KCNQ1: variants seen among roughly 807,000 people sequenced by gnomAD.
The protein encoded by KCNQ1 is potassium voltage-gated channel subfamily KQT member 1.
A neutral mutation model predicts 72.4 loss-of-function variants in KCNQ1; 49 were observed. The ratio of observed to expected loss-of-function variants is 0.68; its 90% confidence interval spans 0.54 to 0.86. The LOEUF (loss-of-function observed/expected upper bound fraction) is 0.86, where lower values mean the gene tolerates loss of function less well. KCNQ1 is among the 40% of genes least tolerant of loss of function. KCNQ1 has a pLI of 0.00. For synonymous variants in KCNQ1, 450 were observed against 412.6 expected (o/e 1.09, Z -1.10); for missense variants, 790 against 945.1 (o/e 0.84, Z 2.15).
chr11:2,570,552 T>A, intron 2 of KCNQ1, 76 bp from the exon 3 acceptor site: 1 of 1,592,722 alleles, frequency 6.3e-7, no homozygotes, highest in Non-Finnish European at 8.5e-7. Flanking sequence ...CATGGCTGGG[T>A]TCAAACAGGT....
rs1360557053 is a variant in KCNQ1, at chr11:2,611,913, G to C, written c.1393+23059G>C. Reference sequence around the variant, plus strand: ...CTGGAGGTTACAATAAGCAGCTTAAGCAAAAACAATCTGCTTCAGGTTAAT... The same window carrying C: ...CTGGAGGTTACAATAAGCAGCTTAACCAAAAACAATCTGCTTCAGGTTAAT... On this transcript the variant is annotated intron_variant, in intron 10 of 15. Coordinates refer to ENST00000155840, the MANE Select transcript of KCNQ1 (RefSeq NM_000218.3). This position sits in a 1 kb window ranked among gnomAD's most constrained non-coding sequence, Gnocchi z 5.3. The C allele has an allele frequency of 7.5e-6, 3 of 398,324 alleles. No homozygotes were observed. The highest frequency in any genetic ancestry group is 1.3e-5 in the Non-Finnish European group (3 of 226,034). The allele number at this position is 398,324 out of a possible 1,614,324, so 24.7% of individuals were successfully genotyped here.
intron 1 of KCNQ1, among the ~76,000 whole-genome samples, chr11:2,449,336 G>C (rs546488747): frequency 6.6e-6 from 1 of 152,218 alleles, no homozygotes; most frequent in Admixed American, 6.5e-5. Context: ...TGGCAGTTGC[G>C]AGGTACTGGA....
chr11:2,648,122 T>C (rs1361655047), intron 10 of KCNQ1: 6 of 390,884 alleles, frequency 1.5e-5, no homozygotes, highest in Admixed American at 1.4e-4. Context: ...GGAGGATTGC[T>C]TGAGCCCAGG....
intron 15 of KCNQ1, among the ~76,000 whole-genome samples, chr11:2,790,184 C>T (rs532683186): frequency 3.9e-5 from 6 of 152,262 alleles, no homozygotes; most frequent in Admixed American, 3.3e-4. Flanking sequence ...GTGATGGGAC[C>T]GTGGAGAGTG....
chr11:2,611,479 T>C lies in KCNQ1; in HGVS notation c.1393+22625T>C. 1 of 398,194 alleles carries C rather than the reference T, an allele frequency of 2.5e-6. No individual in the cohort carries two copies. Among genetic ancestry groups the C allele is most frequent in the Non-Finnish European group, 4.4e-6 (1 of 226,092 alleles). 24.7% of individuals were successfully genotyped at this position (398,194 alleles called of 1,614,324 possible). A position where few individuals can be genotyped will look rare whatever the true frequency, so the allele number is the denominator to read the frequency against. ...TGTCTGCCTCAGCCTCCCAAAATGC[T>C]GGGATTACAGGTGTGAGCCACTGCA... On this transcript the variant is annotated intron_variant, in intron 10 of 15. Coordinates refer to ENST00000155840, the MANE Select transcript of KCNQ1 (RefSeq NM_000218.3). This position sits in a 1 kb window ranked among gnomAD's most constrained non-coding sequence, Gnocchi z 5.3.
intron 2 of KCNQ1, among the ~76,000 whole-genome samples, chr11:2,539,385 T>G (rs1284774552): frequency 2.6e-5 from 4 of 152,184 alleles, no homozygotes; most frequent in African/African-American, 9.7e-5. Context: ...GCGCAATCTT[T>G]CCAGAGCATT....
chr11:2,801,897 C>T (rs1459652042), intron 15 of KCNQ1, among the ~76,000 whole-genome samples: 1 of 152,272 alleles, frequency 6.6e-6, no homozygotes, highest in Non-Finnish European at 1.5e-5. Flanking sequence ...ACTGCCTCCT[C>T]CCTTGCTCTT....
rs115380038 is a variant in KCNQ1 at position 2,600,439 on chromosome 11, A to G, written c.1393+11585A>G. Reference sequence around the variant, plus strand: ...TTTACTAATTGTTACATTTTGCCACATTTGCTTTATCATTTGAACCCCTTT... The same window carrying G: ...TTTACTAATTGTTACATTTTGCCACGTTTGCTTTATCATTTGAACCCCTTT... On this transcript the variant is annotated intron_variant, in intron 10 of 15. Coordinates refer to ENST00000155840, the MANE Select transcript of KCNQ1 (RefSeq NM_000218.3). This position sits in a 1 kb window ranked among gnomAD's most constrained non-coding sequence, Gnocchi z 5.6. Among the ~76,000 whole-genome samples, 833 of 152,256 alleles carry G rather than the reference A, an allele frequency of 5.5e-3. 11 individuals carry two copies. The highest frequency in any genetic ancestry group is 0.019 in the African/African-American group (808 of 41,556).
chr11:2,547,737 A>G lies in KCNQ1; in HGVS notation c.477+19719A>G, dbSNP rs1847919078. Among the ~76,000 whole-genome samples, 1 of 152,200 alleles carries G rather than the reference A, an allele frequency of 6.6e-6. No individual in the cohort carries two copies. Among genetic ancestry groups the G allele is most frequent in the African/African-American group, 2.4e-5 (1 of 41,454 alleles). On this transcript the variant is annotated intron_variant, in intron 2 of 15. Transcript: ENST00000155840. The surrounding 1 kb of genome is among the most constrained non-coding windows in gnomAD (Gnocchi z 4.2). Reference sequence around the variant, plus strand: ...AGACCCCCACAACCTTGGGTGGACTACTGACTACTTCGCGGGTAAGAAATG... The same window carrying G: ...AGACCCCCACAACCTTGGGTGGACTGCTGACTACTTCGCGGGTAAGAAATG...
chr11:2,620,168 A>C lies in KCNQ1; in HGVS notation c.1393+31314A>C, dbSNP rs1849142063. 2 of 394,960 alleles carry C rather than the reference A, an allele frequency of 5.1e-6. No homozygotes were observed. Among genetic ancestry groups the C allele is most frequent in the African/African-American group, 4.1e-5 (2 of 48,270 alleles). The allele number at this position is 394,960 out of a possible 1,614,324, so 24.5% of individuals were successfully genotyped here. On this transcript the variant is annotated intron_variant, in intron 10 of 15. Transcript: ENST00000155840. This position sits in a 1 kb window ranked among gnomAD's most constrained non-coding sequence, Gnocchi z 4.5. ...AAGATAGTGGCCTCTAGCTGCATCC[A>C]TGTTGCTGCAAAGGACGTAAGTTCA... is the stretch of plus-strand genomic sequence containing the variant.
chr11:2,554,145 T>G (rs1380349159), intron 2 of KCNQ1, among the ~76,000 whole-genome samples: 1 of 152,266 alleles, frequency 6.6e-6, no homozygotes, highest in Non-Finnish European at 1.5e-5. Flanking sequence ...TGGCATCAGA[T>G]GCCGCTGGCA....
In KCNQ1 at chr11:2,471,742, A is replaced by G. The variant is rs1460014964; in HGVS notation, c.386+26258A>G. Among the ~76,000 whole-genome samples, 1 of 140,356 alleles carries G rather than the reference A, an allele frequency of 7.1e-6. No homozygotes were observed. Among genetic ancestry groups the G allele is most frequent in the African/African-American group, 2.9e-5 (1 of 34,798 alleles). 92.1% of individuals were successfully genotyped at this position (140,356 alleles called of 152,430 possible). ...TGTGCATGGGCGTGTGTATGTGTGC[A>G]TGGGCGTGTGTGTACTTGTGTATGG... On this transcript the variant is annotated intron_variant, in intron 1 of 15. Transcript: ENST00000155840. The surrounding 1 kb of genome is among the most constrained non-coding windows in gnomAD (Gnocchi z 4.8).
rs1189619467 is a variant in KCNQ1 at position 2,691,035 on chromosome 11, C to T, written c.1514+28954C>T. 2.0e-5 allele frequency: 8 copies of T among 398,540 alleles called. No homozygotes were observed. Among genetic ancestry groups the T allele is most frequent in the Admixed American group, 8.8e-5 (2 of 22,722 alleles). The allele number at this position is 398,540 out of a possible 1,614,324, so 24.7% of individuals were successfully genotyped here. ...CTGGGTGAACTCTTGGCTCAGGTAT[C>T]AGGATATGCTGGGTGAGGGAAATAA... On this transcript the variant is annotated intron_variant, in intron 11 of 15. Coordinates refer to ENST00000155840, the MANE Select transcript of KCNQ1 (RefSeq NM_000218.3). The surrounding 1 kb of genome is among the most constrained non-coding windows in gnomAD (Gnocchi z 6.4).
intron 1 of KCNQ1, among the ~76,000 whole-genome samples, chr11:2,454,857 C>G (rs544256080): frequency 1.3e-5 from 2 of 152,022 alleles, no homozygotes; most frequent in Non-Finnish European, 2.9e-5. Context: ...AGAATAGGAA[C>G]AAGACAAGGA....
In KCNQ1 at chr11:2,661,868, C is replaced by T; in HGVS notation, c.1394-93C>T. The T allele has an allele frequency of 2.0e-6, 3 of 1,528,212 alleles. No individual in the cohort carries two copies. The highest frequency in any genetic ancestry group is 2.7e-6 in the Non-Finnish European group (3 of 1,104,178). The allele number at this position is 1,528,212 out of a possible 1,614,324, so 94.7% of individuals were successfully genotyped here. A position where few individuals can be genotyped will look rare whatever the true frequency, so the allele number is the denominator to read the frequency against. ...GAGCTTCCAGGCACAAGCTCCACTC[C>T]TCACCTGGCCCTGGGAGCTCACAGG... On this transcript the variant is annotated intron_variant, in intron 10 of 15. Coordinates refer to ENST00000155840, the MANE Select transcript of KCNQ1 (RefSeq NM_000218.3). This position sits in a 1 kb window ranked among gnomAD's most constrained non-coding sequence, Gnocchi z 5.9.
At chr11:2,584,413 CTG>C (rs199876246) in intron 7 of KCNQ1, among the ~76,000 whole-genome samples, 8,430 of 143,234 alleles carry the variant, frequency 0.059, 750 homozygotes, top group African/African-American at 0.2. Flanking sequence ...GTTTGTGTTT[CTG>C]TGTTAGTGTG....
At chr11:2,496,964 C>T (rs1846933408) in intron 1 of KCNQ1, among the ~76,000 whole-genome samples, 1 of 152,108 alleles carries the variant, frequency 6.6e-6, no homozygotes, top group African/African-American at 2.4e-5. Flanking sequence ...CTTGAAAATT[C>T]TTTTCTTTAT....
In KCNQ1 at chr11:2,803,763, T is replaced by G. The variant is rs1224010681; in HGVS notation, c.1794+25726T>G. Reference sequence around the variant, plus strand: ...GCCTCTCAGAAGCACTCCCTGATCCTCTCCCCACTTCCCTCCTCCCCTCTC... The same window carrying G: ...GCCTCTCAGAAGCACTCCCTGATCCGCTCCCCACTTCCCTCCTCCCCTCTC... On this transcript the variant is annotated intron_variant, in intron 15 of 15. Coordinates refer to ENST00000155840, the MANE Select transcript of KCNQ1 (RefSeq NM_000218.3). This position sits in a 1 kb window ranked among gnomAD's most constrained non-coding sequence, Gnocchi z 6.4. 6.6e-6 allele frequency among the ~76,000 whole-genome samples: 1 copy of G among 151,898 alleles called. No homozygotes were observed. The highest frequency in any genetic ancestry group is 1.5e-5 in the Non-Finnish European group (1 of 67,968).
intron 15 of KCNQ1, among the ~76,000 whole-genome samples, chr11:2,822,495 G>C (rs1847757521): frequency 1.3e-5 from 2 of 152,202 alleles, no homozygotes; most frequent in South Asian, 2.1e-4. Flanking sequence ...TGCGTAAAGA[G>C]AGCTAAAGGC....
Sources: gnomAD v4.1 joint callset for allele counts (sites outside exome capture counted in the v4.1 genomes callset) on GRCh38, gnomAD v4.1.1 for gene constraint, Gnocchi (gnomAD v3.1) non-coding constraint, MANE v1.5 for transcripts, NCBI Gene and HGNC (gene_info 2026-07-23, HGNC 2026-07-21) for gene names.